Variants in DAB1 observed in about 807,000 individuals in gnomAD.
The protein encoded by DAB1 is DAB adaptor protein 1.
DAB1 carries 15 observed loss-of-function variants against 64.6 expected under a neutral mutation model. The ratio of observed to expected loss-of-function variants is 0.23; its 90% CI spans 0.16 to 0.36. The LOEUF is 0.36. Among genes scored for constraint, DAB1 ranks in the 10% least tolerant of loss-of-function variants. DAB1 has a pLI of 1.00. For synonymous variants in DAB1, 235 were observed against 251.9 expected, an observed-to-expected ratio of 0.93 and a Z score of 0.64; for missense variants, 596 against 706.7, an observed-to-expected ratio of 0.84 and a Z score of 1.78.
chr1:58,335,563 A>G (rs559187342), intron 4 of DAB1, among the ~76,000 whole-genome samples: 10 of 152,066 alleles, frequency 6.6e-5, no homozygotes, highest in East Asian at 1.9e-4. Flanking sequence ...GCTGTGCACA[A>G]TGAATGTGGG....
At chr1:57,503,512 C>T (rs1247610713) in intron 7 of DAB1, among the ~76,000 whole-genome samples, 1 of 152,212 alleles carries the variant, frequency 6.6e-6, no homozygotes, top group Non-Finnish European at 1.5e-5. Flanking sequence ...CTGCCCATAA[C>T]TCAGATCTTA....
At chr1:57,746,249 T>C (rs189034840) in intron 6 of DAB1, among the ~76,000 whole-genome samples, 1 of 152,310 alleles carries the variant, frequency 6.6e-6, no homozygotes, top group Admixed American at 6.5e-5. Context: ...TCAGAATTAC[T>C]AGGTCATAGG....
Position 58,325,609 on chromosome 1 carries a change from G to C in DAB1, n.309+17743C>G, listed in dbSNP as rs561773391. Among the ~76,000 whole-genome samples, 82 of 152,088 alleles carry C rather than the reference G, an allele frequency of 5.4e-4. 1 individual carries two copies. Among genetic ancestry groups the C allele is most frequent in the African/African-American group, 1.8e-3 (76 of 41,458 alleles). On this transcript the variant is annotated intron_variant and non_coding_transcript_variant, in intron 4 of 20. Coordinates refer to the DAB1 transcript ENST00000485760. Reference sequence around the variant, plus strand: ...CTTGAGGAAATTTCTTAACTTCTTAGGGCCTCAGTTTTCTCATTAAGAAAA... The same window carrying C: ...CTTGAGGAAATTTCTTAACTTCTTACGGCCTCAGTTTTCTCATTAAGAAAA...
intron 14 of DAB1, among the ~76,000 whole-genome samples, chr1:57,004,541 G>A (rs535357009): frequency 2.0e-5 from 3 of 152,282 alleles, no homozygotes; most frequent in African/African-American, 4.8e-5. Flanking sequence ...AGTGCCAAGC[G>A]AAGCTGAGGA....
chr1:57,435,158 C>G (rs1208922771), intron 7 of DAB1, among the ~76,000 whole-genome samples: 1 of 149,580 alleles, frequency 6.7e-6, no homozygotes, highest in Non-Finnish European at 1.5e-5. Flanking sequence ...AAGTGATTCT[C>G]CTGTCTCAGC....
Position 58,223,847 on chromosome 1 carries a change from G to A in DAB1, n.310-73259C>T, listed in dbSNP as rs886984820. 1.8e-4 allele frequency among the ~76,000 whole-genome samples: 28 copies of A among 152,178 alleles called. 1 individual carries two copies. The highest frequency in any genetic ancestry group is 1.2e-3 in the Admixed American group (19 of 15,282). On this transcript the variant is annotated intron_variant and non_coding_transcript_variant, in intron 4 of 20. Coordinates refer to the DAB1 transcript ENST00000485760. Reference sequence around the variant, plus strand: ...ATCCAGATGCTGGGGCCAGAGCCACGACCTACATCTTCCACAAACCAATTT... The same window carrying A: ...ATCCAGATGCTGGGGCCAGAGCCACAACCTACATCTTCCACAAACCAATTT...
chr1:58,322,698 T>C (rs1215879124), intron 4 of DAB1, among the ~76,000 whole-genome samples: 2 of 152,222 alleles, frequency 1.3e-5, no homozygotes, highest in Non-Finnish European at 2.9e-5. Flanking sequence ...CTCAAGGATC[T>C]AGAACTAGAA....
At chr1:57,194,644 C>T (rs1664468875) in intron 2 of DAB1, among the ~76,000 whole-genome samples, 2 of 152,154 alleles carry the variant, frequency 1.3e-5, no homozygotes, top group Non-Finnish European at 2.9e-5. Flanking sequence ...CTCAGCTAGC[C>T]GCCTTTGCAC....
chr1:57,658,353 G>A (rs1325930425), intron 6 of DAB1, among the ~76,000 whole-genome samples: 1 of 149,590 alleles, frequency 6.7e-6, no homozygotes, highest in Non-Finnish European at 1.5e-5. Flanking sequence ...GCCCAGGCTG[G>A]AGTGCAGTGG....
At chr1:58,337,577 C>T (rs899044153) in intron 4 of DAB1, among the ~76,000 whole-genome samples, 2 of 152,104 alleles carry the variant, frequency 1.3e-5, no homozygotes, top group African/African-American at 2.4e-5. Context: ...GGGTAAACTA[C>T]TTATGTTTTC....
At chr1:57,520,145 A>G (rs181583642) in intron 7 of DAB1, among the ~76,000 whole-genome samples, 8 of 152,374 alleles carry the variant, frequency 5.3e-5, no homozygotes, top group South Asian at 2.1e-4. Context: ...AGGATTTATG[A>G]AAGTTCAACA....
rs1435683397 is a variant in DAB1, at chr1:57,526,275, G to T, written n.625+123317C>A. Among the ~76,000 whole-genome samples, 4 of 152,078 alleles carry T rather than the reference G, an allele frequency of 2.6e-5. No homozygotes were observed. In the South Asian group the frequency reaches 6.2e-4, roughly 24 times the overall value. On this transcript the variant is annotated intron_variant and non_coding_transcript_variant, in intron 7 of 20. Coordinates refer to the DAB1 transcript ENST00000485760. ...TATAAGAAAGAAAGATAATCACTCT[G>T]CCCTTACCTAGTATGGTAGGGACTA...
chr1:57,914,412 C>T (rs1341952957), intron 5 of DAB1, among the ~76,000 whole-genome samples: 1 of 137,488 alleles, frequency 7.3e-6, no homozygotes, highest in Non-Finnish European at 1.5e-5. Flanking sequence ...ATATCACACA[C>T]CAGGGCCTGT....
At chr1:57,580,160 C>T (rs922459923) in intron 7 of DAB1, among the ~76,000 whole-genome samples, 2 of 152,044 alleles carry the variant, frequency 1.3e-5, no homozygotes, top group African/African-American at 2.4e-5. Flanking sequence ...TGTGGGAACC[C>T]AGTAAGAGAA....
intron 7 of DAB1, among the ~76,000 whole-genome samples, chr1:57,433,966 GAT>G (rs1410525171): frequency 6.6e-6 from 1 of 151,776 alleles, no homozygotes; most frequent in African/African-American, 2.4e-5. Context: ...CACTCACTAA[GAT>G]GGCTAAAATT....
intron 7 of DAB1, among the ~76,000 whole-genome samples, chr1:57,462,759 G>T (rs1686828539): frequency 6.6e-6 from 1 of 152,104 alleles, no homozygotes; most frequent in African/African-American, 2.4e-5. Flanking sequence ...TCTAATATTT[G>T]GTGGTTTATT....
chr1:58,065,604 T>C (rs1460986853), intron 5 of DAB1, among the ~76,000 whole-genome samples: 1 of 152,110 alleles, frequency 6.6e-6, no homozygotes, highest in African/African-American at 2.4e-5. Flanking sequence ...TGGAACAACA[T>C]GGTCCCCTCC....
Position 58,108,766 on chromosome 1 carries a change from C to T in DAB1, n.387+41745G>A, listed in dbSNP as rs192981505. On this transcript the variant is annotated intron_variant and non_coding_transcript_variant, in intron 5 of 20. Transcript: ENST00000485760. ...TAACAATTTCAATTAACCTGTGCTGCCTTATGCTTAATGACATACAGATGC... is the reference window on the plus strand; with the variant it reads ...TAACAATTTCAATTAACCTGTGCTGTCTTATGCTTAATGACATACAGATGC... 2.7e-3 allele frequency among the ~76,000 whole-genome samples: 417 copies of T among 152,254 alleles called. 2 individuals carry two copies. The highest frequency in any genetic ancestry group is 0.02 in the Middle Eastern group (6 of 294).
intron 5 of DAB1, among the ~76,000 whole-genome samples, chr1:58,037,536 G>A (rs1374800609): frequency 1.3e-5 from 2 of 152,198 alleles, no homozygotes; most frequent in Non-Finnish European, 2.9e-5. Context: ...AACTGTGCAT[G>A]TGAGGAATCT....
Sources: gnomAD v4.1 joint callset for allele counts (sites outside exome capture counted in the v4.1 genomes callset) on GRCh38, gnomAD v4.1.1 for gene constraint, MANE v1.5 for transcripts, NCBI Gene and HGNC (gene_info 2026-07-23, HGNC 2026-07-21) for gene names.